Variants in DYSF observed in about 807,000 individuals in gnomAD.
DYSF encodes the protein dystrophy-associated fer-1-like 1.
Under a neutral mutation model 274.9 loss-of-function variants are expected in DYSF, and 212 were observed. The observed-to-expected ratio is 0.77, with a 90% CI of 0.69 to 0.86. The LOEUF (loss-of-function observed/expected upper bound fraction) is 0.86, where lower values mean the gene tolerates loss of function less well. Ranked by LOEUF, DYSF falls within the 40% of genes least tolerant of loss-of-function variation. The pLI, the probability that DYSF is intolerant of heterozygous loss-of-function variation, is 0.00. For missense variants in DYSF, 2,666 were observed against 2,783.2 expected (o/e 0.96, Z 0.95); for synonymous variants, 1,091 against 1,078.7 (o/e 1.01, Z -0.22).
chr2:71,567,434 A>G (rs1463969633), intron 24 of DYSF, among the ~76,000 whole-genome samples: 1 of 152,242 alleles, frequency 6.6e-6, no homozygotes, highest in Non-Finnish European at 1.5e-5. Context: ...GTAGCCACAG[A>G]TGGCTATTTA....
chr2:71,516,739 C>T (rs1001251234), intron 9 of DYSF, among the ~76,000 whole-genome samples: 7 of 152,166 alleles, frequency 4.6e-5, no homozygotes, highest in Non-Finnish European at 5.9e-5. Flanking sequence ...GATTCCAGCT[C>T]TGTCTATGCC....
chr2:71,639,100 A>G (rs2094450215), intron 41 of DYSF, among the ~76,000 whole-genome samples: 1 of 152,228 alleles, frequency 6.6e-6, no homozygotes, highest in Non-Finnish European at 1.5e-5. Context: ...GCATCTTTCC[A>G]TGTGCTATTG....
intron 35 of DYSF, 107 bp downstream of exon 35, chr2:71,601,635 T>C: frequency 6.8e-7 from 1 of 1,475,330 alleles, no homozygotes; most frequent in Non-Finnish European, 9.5e-7. Context: ...CGATCCTGCC[T>C]CAAGCCCCCG....
intron 42 of DYSF, among the ~76,000 whole-genome samples, chr2:71,645,971 G>C (rs1437777400): frequency 6.6e-6 from 1 of 152,124 alleles, no homozygotes; most frequent in East Asian, 1.9e-4. Context: ...GGTGGCCTGG[G>C]CTTTCAGGTG....
chr2:71,591,676 T>C (rs2093270319), intron 32 of DYSF, among the ~76,000 whole-genome samples: 1 of 152,228 alleles, frequency 6.6e-6, no homozygotes. Context: ...GTGCCTGCTG[T>C]TTGGTTGAGT....
chr2:71,562,898 A>G (rs954493273), intron 23 of DYSF, among the ~76,000 whole-genome samples: 2 of 152,166 alleles, frequency 1.3e-5, no homozygotes, highest in African/African-American at 4.8e-5. Flanking sequence ...CTGTAATCTC[A>G]GCCCAGACTG....
intron 41 of DYSF, among the ~76,000 whole-genome samples, chr2:71,636,215 C>G (rs1284935918): frequency 6.6e-6 from 1 of 152,144 alleles, no homozygotes; most frequent in African/African-American, 2.4e-5. Flanking sequence ...TCTGAGTGAG[C>G]TGACAAATCA....
intron 4 of DYSF, among the ~76,000 whole-genome samples, chr2:71,511,060 C>T (rs1340885851): frequency 6.6e-6 from 1 of 150,932 alleles, no homozygotes; most frequent in Non-Finnish European, 1.5e-5. Flanking sequence ...CAGGCAGGCC[C>T]GGGAGCAGCC....
At chr2:71,621,390 T>A (rs946426113) in intron 41 of DYSF, among the ~76,000 whole-genome samples, 2 of 152,228 alleles carry the variant, frequency 1.3e-5, no homozygotes, top group Admixed American at 6.5e-5. Flanking sequence ...GATTTATCTA[T>A]TTTAAATAAA....
At chr2:71,582,180 G>A (rs995820542) in intron 30 of DYSF, among the ~76,000 whole-genome samples, 1 of 146,956 alleles carries the variant, frequency 6.8e-6, no homozygotes, top group East Asian at 2.1e-4. Context: ...TGTAGTGCCT[G>A]TGGCTGCTTT....
At chr2:71,618,490 A>G (rs2093990756) in intron 40 of DYSF, among the ~76,000 whole-genome samples, 1 of 103,606 alleles carries the variant, frequency 9.7e-6, no homozygotes, top group East Asian at 3.4e-4. Flanking sequence ...TGTGTGGTAG[A>G]GGTGATGTGT....
chr2:71,648,620 A>G (rs2094604976), intron 42 of DYSF, among the ~76,000 whole-genome samples: 1 of 152,214 alleles, frequency 6.6e-6, no homozygotes, highest in Non-Finnish European at 1.5e-5. Flanking sequence ...TACATATTGA[A>G]AAAGTTCATG....
chr2:71,664,142 C>T (rs933639318), intron 45 of DYSF, 126 bp from the exon 46 acceptor site: 116 of 1,197,396 alleles, frequency 9.7e-5, no homozygotes, highest in Non-Finnish European at 5.4e-5. Context: ...GGTGGTTGGG[C>T]CTGTAAGATC....
rs773959782 is a variant in DYSF, at chr2:71,681,124, C to T, written c.6173+14C>T. The T allele has an allele frequency of 6.2e-7, 1 of 1,611,476 alleles. No homozygotes were observed. The highest frequency in any genetic ancestry group is 1.1e-5 in the South Asian group (1 of 90,850). Reference sequence around the variant, plus strand: ...TGAGGACCCAAGGTCAGTGCCCAGCCCCTGAGCCCCAATGCCCACAGGTCT... The same window carrying T: ...TGAGGACCCAAGGTCAGTGCCCAGCTCCTGAGCCCCAATGCCCACAGGTCT... On this transcript the variant is annotated intron_variant, in intron 54 of 55. Coordinates refer to ENST00000410020, the MANE Select transcript of DYSF (RefSeq NM_001130987.2).
chr2:71,496,240 C>T (rs941343076), intron 3 of DYSF, among the ~76,000 whole-genome samples: 1 of 152,152 alleles, frequency 6.6e-6, no homozygotes, highest in Non-Finnish European at 1.5e-5. Context: ...TGCCTGTAAT[C>T]CCAGCACTTT....
At chr2:71,651,677 C>A (rs1169131139) in intron 42 of DYSF, among the ~76,000 whole-genome samples, 1 of 152,084 alleles carries the variant, frequency 6.6e-6, no homozygotes, top group African/African-American at 2.4e-5. Context: ...GCTAGAATTA[C>A]CTTACCATCA....
intron 3 of DYSF, among the ~76,000 whole-genome samples, chr2:71,499,745 TC>T (rs957847199): frequency 3.9e-5 from 6 of 151,930 alleles, no homozygotes; most frequent in Non-Finnish European, 7.4e-5. Flanking sequence ...GCTCTTTCGG[TC>T]CCCACACTTC....
chr2:71,493,851 C>CAAAAAAAAA (rs145288384), intron 3 of DYSF, among the ~76,000 whole-genome samples: 28 of 69,238 alleles, frequency 4.0e-4, no homozygotes, highest in South Asian at 1.4e-3. Context: ...TACTCTGTCT[C>CAAAAAAAAA]AAAAAAAAAA....
Position 71,513,281 on chromosome 2 carries a change from G to C in DYSF, c.502G>C (p.Asp168His). Residue 168 changes from aspartate (D) to histidine (H), a missense_variant, in exon 6 of 56, where the codon GAC becomes CAC. By Grantham distance (81) the Asp-to-His change is moderately conservative. Transcript: ENST00000410020. ...GGCCGAGACTTGGTCCCTGCTCAGT[G>C]ACAGCACCATGGACACGAGATACTC... is the stretch of plus-strand genomic sequence containing the variant. ...SRAETWSLLSDSTMDTRYSGK... is the reference protein window; with the variant it reads ...SRAETWSLLSHSTMDTRYSGK... 2.6e-6 allele frequency: 4 copies of C among 1,551,652 alleles called. No individual in the cohort carries two copies. Among genetic ancestry groups the C allele is most frequent in the Non-Finnish European group, 3.5e-6 (4 of 1,146,974 alleles).
Sources: gnomAD v4.1 joint callset for allele counts (sites outside exome capture counted in the v4.1 genomes callset) on GRCh38, gnomAD v4.1.1 for gene constraint, MANE v1.5 for transcripts, NCBI Gene and HGNC (gene_info 2026-07-23, HGNC 2026-07-21) for gene names.